R3HCC1L: variants seen among roughly 807,000 people sequenced by gnomAD.
R3HCC1L encodes coiled-coil domain-containing protein R3HCC1L.
Under a neutral mutation model 59.9 loss-of-function variants are expected in R3HCC1L, and 51 were observed. That is an observed-to-expected ratio of 0.85 (90% CI 0.68 to 1.07). R3HCC1L has a LOEUF of 1.07. Ranked by LOEUF, R3HCC1L falls within the 50% of genes least tolerant of loss-of-function variation. The pLI, the probability that R3HCC1L is intolerant of heterozygous loss-of-function variation, is 0.00. For synonymous variants in R3HCC1L, 322 were observed against 315.2 expected (o/e 1.02, Z -0.23); for missense variants, 965 against 933.0 (o/e 1.03, Z -0.45).
At chr10:98,184,523 C>T (rs1850018009) in intron 4 of R3HCC1L, among the ~76,000 whole-genome samples, 1 of 152,098 alleles carries the variant, frequency 6.6e-6, no homozygotes, top group Admixed American at 6.6e-5. Context: ...GCTATACTGT[C>T]TTTGTCTGTG....
At chr10:98,211,236 G>A (rs1177422080) in intron 5 of R3HCC1L, 1 of 953,640 alleles carries the variant, frequency 1.0e-6, no homozygotes, top group Non-Finnish European at 1.6e-6. Context: ...AGCAGCATGA[G>A]TATCACCTAG....
chr10:98,158,456 T>C (rs1008503339), intron 2 of R3HCC1L, among the ~76,000 whole-genome samples: 2 of 152,184 alleles, frequency 1.3e-5, no homozygotes, highest in Non-Finnish European at 2.9e-5. Context: ...ATTCCGAGAG[T>C]GGTACAGAGA....
chr10:98,166,887 G>T (rs1323636692), intron 4 of R3HCC1L, among the ~76,000 whole-genome samples: 1 of 151,892 alleles, frequency 6.6e-6, no homozygotes, highest in Non-Finnish European at 1.5e-5. Context: ...GGATGGTCTC[G>T]ATCTCCTGAC....
intron 5 of R3HCC1L, among the ~76,000 whole-genome samples, chr10:98,218,673 A>C (rs949270424): frequency 8.5e-5 from 13 of 152,134 alleles, no homozygotes; most frequent in Non-Finnish European, 1.5e-4. Context: ...GTGTTCCAGT[A>C]ATGTCTGTTA....
At chr10:98,213,727 AACAGAGT>A (rs1170193705) in intron 5 of R3HCC1L, among the ~76,000 whole-genome samples, 3 of 152,188 alleles carry the variant, frequency 2.0e-5, no homozygotes, top group East Asian at 1.9e-4. Flanking sequence ...TAAAAAATTG[AACAGAGT>A]ACAGAGTTCC....
intron 4 of R3HCC1L, among the ~76,000 whole-genome samples, chr10:98,190,170 G>T (rs1850672394): frequency 6.6e-6 from 1 of 152,134 alleles, no homozygotes; most frequent in Admixed American, 6.5e-5. Context: ...GAAAATCTGT[G>T]CATGTTCAGT....
chr10:98,191,661 A>G (rs949188640), intron 4 of R3HCC1L, among the ~76,000 whole-genome samples: 1 of 152,104 alleles, frequency 6.6e-6, no homozygotes, highest in Non-Finnish European at 1.5e-5. Context: ...GTTTAATCAG[A>G]TCCCATTTGT....
At chr10:98,152,714 G>C (rs1252247959) in intron 1 of R3HCC1L, among the ~76,000 whole-genome samples, 1 of 87,328 alleles carries the variant, frequency 1.1e-5, no homozygotes, top group Non-Finnish European at 2.8e-5. Context: ...CGTCTCTGCT[G>C]GGCCGCCCCG....
chr10:98,153,500 A>G (rs1294694989), intron 1 of R3HCC1L, among the ~76,000 whole-genome samples: 2 of 152,100 alleles, frequency 1.3e-5, no homozygotes, highest in Non-Finnish European at 2.9e-5. Flanking sequence ...CCTCTGCCTA[A>G]GAAAACCAGA....
Position 98,231,526 on chromosome 10 carries a change from C to T in R3HCC1L, c.1800C>T (p.Thr600=). The change falls in exon 6 of 10, where the codon ACC becomes ACT. Residue 600 remains threonine (T), a synonymous_variant. Coordinates refer to ENST00000298999, the MANE Select transcript of R3HCC1L (RefSeq NM_001351015.2). ...PRLLQELSGN[T]KSRESIQEPR... is the part of the protein sequence containing the mutation. Reference sequence around the variant, plus strand: ...TTCCTTTCTAGTTATCAGGGAATACCAAGAGCAGAGAGAGCATCCAGGAAC... The same window carrying T: ...TTCCTTTCTAGTTATCAGGGAATACTAAGAGCAGAGAGAGCATCCAGGAAC... 6.8e-6 allele frequency: 11 copies of T among 1,611,542 alleles called. No individual in the cohort carries two copies. The highest frequency in any genetic ancestry group is 9.3e-6 in the Non-Finnish European group (11 of 1,179,270).
chr10:98,169,513 TTCC>T (rs1393162796), intron 4 of R3HCC1L, among the ~76,000 whole-genome samples: 2 of 152,240 alleles, frequency 1.3e-5, no homozygotes, highest in Non-Finnish European at 2.9e-5. Flanking sequence ...CTTCTTTCTC[TTCC>T]TCTACTACTA....
intron 9 of R3HCC1L, among the ~76,000 whole-genome samples, chr10:98,241,778 T>C (rs1244347844): frequency 6.6e-6 from 1 of 152,208 alleles, no homozygotes; most frequent in African/African-American, 2.4e-5. Context: ...GAATTAAGGA[T>C]CTGGGTCCCA....
chr10:98,204,719 T>A (rs749064960), intron 4 of R3HCC1L, among the ~76,000 whole-genome samples: 34 of 152,214 alleles, frequency 2.2e-4, no homozygotes, highest in Middle Eastern at 3.2e-3. Flanking sequence ...ACGTAACTTT[T>A]ATATATTATA....
chr10:98,219,530 T>A (rs1271481609), intron 5 of R3HCC1L, among the ~76,000 whole-genome samples: 2 of 152,240 alleles, frequency 1.3e-5, no homozygotes, highest in African/African-American at 4.8e-5. Flanking sequence ...TATTTATCTT[T>A]GCAGTTTGAT....
At chr10:98,151,224 G>A (rs1846128790) in intron 1 of R3HCC1L, among the ~76,000 whole-genome samples, 1 of 152,230 alleles carries the variant, frequency 6.6e-6, no homozygotes, top group African/African-American at 2.4e-5. Flanking sequence ...GGAACTGGAA[G>A]AATGTGTGAT....
chr10:98,209,795 G>A lies in R3HCC1L; in HGVS notation c.1681G>A (p.Ala561Thr), dbSNP rs1239382842. ...TATGGAAACATCCATCGAACCAAAA[G>A]CAACTGAAACTTCTCACACAGAGGG... ...SSMETSIEPK[A>T]TETSHTEGIT... The change falls in exon 5 of 10, where the codon GCA becomes ACA. Residue 561 changes from alanine (A) to threonine (T), a missense_variant. Coordinates refer to ENST00000298999, the MANE Select transcript of R3HCC1L (RefSeq NM_001351015.2). 1 of 1,613,746 alleles carries A rather than the reference G, an allele frequency of 6.2e-7. No homozygotes were observed. Among genetic ancestry groups the A allele is most frequent in the Non-Finnish European group, 8.5e-7 (1 of 1,179,842 alleles).
In R3HCC1L at chr10:98,134,705, C is replaced by T. The variant is rs778319816; in HGVS notation, c.-269C>T. On this transcript the variant is annotated splice_region_variant and 5_prime_UTR_variant, in exon 1 of 10. Coordinates refer to ENST00000298999, the MANE Select transcript of R3HCC1L (RefSeq NM_001351015.2). ...GCGGAAGCGGAGAGCAACAGCGCGC[C>T]GGTAACAACCAGCCCCGTATCCCCT... The T allele has an allele frequency of 5.2e-5, 8 of 152,394 alleles. No individual in the cohort carries two copies. The highest frequency in any genetic ancestry group is 5.2e-4 in the Admixed American group (8 of 15,308). The allele number at this position is 152,394 out of a possible 1,614,324, so 9.4% of individuals were successfully genotyped here.
chr10:98,229,723 T>C (rs1264691883), intron 5 of R3HCC1L, among the ~76,000 whole-genome samples: 2 of 152,212 alleles, frequency 1.3e-5, no homozygotes, highest in African/African-American at 4.8e-5. Context: ...GGGTTTGTCA[T>C]AAATGGCTCT....
At chr10:98,200,755 A>G (rs1193734157) in intron 4 of R3HCC1L, among the ~76,000 whole-genome samples, 1 of 152,164 alleles carries the variant, frequency 6.6e-6, no homozygotes, top group Non-Finnish European at 1.5e-5. Context: ...TTTTATATCA[A>G]ATTTGAAAAG....
Sources: gnomAD v4.1 joint callset for allele counts (sites outside exome capture counted in the v4.1 genomes callset) on GRCh38, gnomAD v4.1.1 for gene constraint, MANE v1.5 for transcripts, NCBI Gene and HGNC (gene_info 2026-07-23, HGNC 2026-07-21) for gene names.